Variants in RHOT1 observed in about 807,000 individuals in gnomAD.
The protein encoded by RHOT1 is mitochondrial Rho GTPase 1.
A neutral mutation model predicts 95.3 loss-of-function variants in RHOT1; 27 were observed. The observed-to-expected ratio is 0.28, with a 90% CI of 0.21 to 0.39. The LOEUF (loss-of-function observed/expected upper bound fraction) is 0.39. Among genes scored for constraint, RHOT1 ranks in the 10% least tolerant of loss-of-function variants. The pLI is 1.00. For synonymous variants in RHOT1, 227 were observed against 263.5 expected, an observed-to-expected ratio of 0.86 and a Z score of 1.34; for missense variants, 578 against 786.7, an observed-to-expected ratio of 0.73 and a Z score of 3.17.
intron 11 of RHOT1, among the ~76,000 whole-genome samples, chr17:32,196,812 C>CCT (rs2142801966): frequency 6.6e-6 from 1 of 152,206 alleles, no homozygotes; most frequent in East Asian, 1.9e-4. Context: ...ATTCTTAGCT[C>CCT]CTGCCTCATT....
At chr17:32,204,994 A>AG (rs1176479609) in intron 16 of RHOT1, among the ~76,000 whole-genome samples, 1 of 151,920 alleles carries the variant, frequency 6.6e-6, no homozygotes, top group Non-Finnish European at 1.5e-5. Context: ...AAAAAAAAAA[A>AG]AAGTCGAAAA....
chr17:32,147,776 C>T (rs374375528), intron 1 of RHOT1, among the ~76,000 whole-genome samples: 1 of 150,550 alleles, frequency 6.6e-6, no homozygotes, highest in Non-Finnish European at 1.5e-5. Context: ...GCGGAGATTG[C>T]GCACTGCACT....
intron 1 of RHOT1, among the ~76,000 whole-genome samples, chr17:32,164,956 C>A (rs1235663657): frequency 2.6e-5 from 4 of 151,998 alleles, no homozygotes; most frequent in African/African-American, 4.8e-5. Flanking sequence ...GCCAGGAGTT[C>A]AAGACCAGCC....
chr17:32,193,016 A>G (rs904421434), intron 9 of RHOT1, 120 bp from the exon 10 acceptor site: 28 of 642,916 alleles, frequency 4.4e-5, no homozygotes, highest in Non-Finnish European at 6.7e-5. Flanking sequence ...TTCCTAATGT[A>G]GAATATGTTT....
At chr17:32,193,886 C>T in intron 10 of RHOT1, 101 bp from the exon 11 acceptor site, 2 of 1,390,960 alleles carry the variant, frequency 1.4e-6, no homozygotes, top group South Asian at 1.4e-5. Flanking sequence ...CAATGCAAAG[C>T]TAGCATCCGT....
At chr17:32,205,013 TC>T (rs1006607295) in intron 16 of RHOT1, among the ~76,000 whole-genome samples, 2 of 149,180 alleles carry the variant, frequency 1.3e-5, no homozygotes, top group Non-Finnish European at 3.0e-5. Flanking sequence ...AAAACTGAAC[TC>T]CCCTTTTACT....
intron 4 of RHOT1, 136 bp downstream of exon 4, chr17:32,175,498 C>CTT: frequency 1.1e-6 from 1 of 876,528 alleles, no homozygotes. Context: ...GTCACCCACT[C>CTT]TGTCACCCAG....
chr17:32,158,215 T>A (rs1192235277), intron 1 of RHOT1, among the ~76,000 whole-genome samples: 1 of 152,204 alleles, frequency 6.6e-6, no homozygotes, highest in Non-Finnish European at 1.5e-5. Flanking sequence ...GACAAAACTT[T>A]GTCCTTAGAA....
intron 19 of RHOT1, among the ~76,000 whole-genome samples, chr17:32,217,035 T>A (rs1285005468): frequency 6.6e-6 from 1 of 152,234 alleles, no homozygotes; most frequent in Non-Finnish European, 1.5e-5. Flanking sequence ...AATTTTTAAA[T>A]TTTTTGTCAT....
At chr17:32,161,738 A>C (rs2033577038) in intron 1 of RHOT1, among the ~76,000 whole-genome samples, 1 of 152,204 alleles carries the variant, frequency 6.6e-6, no homozygotes, top group African/African-American at 2.4e-5. Flanking sequence ...AGGCAGTTTC[A>C]CCACCAGTTA....
chr17:32,177,344 C>G (rs1217726976), intron 6 of RHOT1, among the ~76,000 whole-genome samples: 1 of 152,218 alleles, frequency 6.6e-6, no homozygotes, highest in Non-Finnish European at 1.5e-5. Context: ...AAGAGCATTT[C>G]CATCATCATA....
intron 1 of RHOT1, among the ~76,000 whole-genome samples, chr17:32,144,638 A>G (rs890693500): frequency 3.3e-5 from 5 of 152,098 alleles, no homozygotes; most frequent in Admixed American, 1.3e-4. Flanking sequence ...ACTTGAGGCC[A>G]AGGAGTTTGA....
intron 19 of RHOT1, 125 bp downstream of exon 19, chr17:32,211,363 C>G (rs966506341): frequency 3.8e-6 from 3 of 785,424 alleles, no homozygotes; most frequent in Admixed American, 3.5e-5. Context: ...CTAACTTCCA[C>G]TAAAATTCTC....
chr17:32,178,463 A>T lies in RHOT1; in HGVS notation c.329+2250A>T, dbSNP rs569055465. ...TGCCGTGGCCTCCCGAGGTGCTGGGATTGCAGACGGAGTCTCGCTCACTCA... is the reference window on the plus strand; with the variant it reads ...TGCCGTGGCCTCCCGAGGTGCTGGGTTTGCAGACGGAGTCTCGCTCACTCA... On this transcript the variant is annotated intron_variant, in intron 6 of 19. Coordinates refer to ENST00000545287, the MANE Select transcript of RHOT1 (RefSeq NM_001033566.3). 3.3e-5 allele frequency among the ~76,000 whole-genome samples: 5 copies of T among 152,112 alleles called. No individual in the cohort carries two copies. In the South Asian group the frequency reaches 8.3e-4, roughly 25 times the overall value.
At chr17:32,197,511 G>A (rs1055284188) in intron 11 of RHOT1, among the ~76,000 whole-genome samples, 1 of 151,020 alleles carries the variant, frequency 6.6e-6, no homozygotes, top group Non-Finnish European at 1.5e-5. Context: ...TGCATGCTCC[G>A]CCTCCCAGGT....
intron 19 of RHOT1, among the ~76,000 whole-genome samples, chr17:32,213,538 C>T (rs1159871525): frequency 6.6e-6 from 1 of 152,122 alleles, no homozygotes; most frequent in Non-Finnish European, 1.5e-5. Context: ...GTCTTCCTGT[C>T]TTATCAGATA....
chr17:32,163,867 T>C (rs2033798410), intron 1 of RHOT1, among the ~76,000 whole-genome samples: 1 of 152,130 alleles, frequency 6.6e-6, no homozygotes, highest in African/African-American at 2.4e-5. Context: ...TGAAGAATAG[T>C]GCCTGGTGGC....
chr17:32,153,138 G>GT (rs900409753), intron 1 of RHOT1, among the ~76,000 whole-genome samples: 78 of 151,758 alleles, frequency 5.1e-4, no homozygotes, highest in East Asian at 1.2e-3. Flanking sequence ...TAAAAGGTAG[G>GT]TTTTTTTTTC....
At chr17:32,186,318 C>G (rs562511292) in intron 8 of RHOT1, among the ~76,000 whole-genome samples, 1 of 151,024 alleles carries the variant, frequency 6.6e-6, no homozygotes, top group Non-Finnish European at 1.5e-5. Flanking sequence ...GCTTATTGGC[C>G]ATCTTCTTTG....
Sources: gnomAD v4.1 joint callset for allele counts (sites outside exome capture counted in the v4.1 genomes callset) on GRCh38, gnomAD v4.1.1 for gene constraint, MANE v1.5 for transcripts, NCBI Gene and HGNC (gene_info 2026-07-23, HGNC 2026-07-21) for gene names.